COL5A2: variants seen among roughly 807,000 people sequenced by gnomAD.
The protein encoded by COL5A2 is collagen alpha-2(V) chain.
A neutral mutation model predicts 208.2 loss-of-function variants in COL5A2; 23 were observed. That is an observed-to-expected ratio of 0.11 (90% CI 0.08 to 0.16). COL5A2 has a LOEUF of 0.16. COL5A2 is among the 10% of genes least tolerant of loss of function. COL5A2 has a pLI of 1.00. For missense variants in COL5A2, 1,590 were observed against 1,956.4 expected (o/e 0.81, Z 3.53); for synonymous variants, 625 against 628.5 (o/e 0.99, Z 0.08).
intron 21 of COL5A2, among the ~76,000 whole-genome samples, chr2:189,067,072 GTTA>G (rs1292647595): frequency 6.6e-6 from 1 of 151,996 alleles, no homozygotes; most frequent in Admixed American, 6.6e-5. Context: ...GAATTATTGA[GTTA>G]TTATTCAAAT....
chr2:189,433,394 C>T, the COL5A2 span, among the ~76,000 whole-genome samples: 1 of 152,074 alleles, frequency 6.6e-6, no homozygotes, highest in East Asian at 1.9e-4. Flanking sequence ...AATCCAGGAG[C>T]TGGTTTTTTG....
At chr2:189,081,438 A>G (rs917590165) in intron 12 of COL5A2, among the ~76,000 whole-genome samples, 1 of 152,308 alleles carries the variant, frequency 6.6e-6, no homozygotes, top group South Asian at 2.1e-4. Context: ...GAGAAATTCA[A>G]GATAAAATAT....
the COL5A2 span, among the ~76,000 whole-genome samples, chr2:189,431,471 C>A: frequency 2.6e-5 from 4 of 152,194 alleles, no homozygotes; most frequent in East Asian, 7.7e-4. Context: ...GAATGGCTAA[C>A]TAGAATAAAC....
the COL5A2 span, among the ~76,000 whole-genome samples, chr2:189,417,400 A>G: frequency 1.3e-5 from 2 of 150,670 alleles, no homozygotes; most frequent in African/African-American, 4.9e-5. Flanking sequence ...TGACTGTGAC[A>G]TGTTTTGATT....
At position 189,110,358 on chromosome 2, in the gene COL5A2, G is replaced by A. The variant is rs1426216131; in HGVS notation, c.189C>T (p.Val63=). The change falls in exon 2 of 54, where the codon GTC becomes GTT. Residue 63 remains valine (V), a synonymous_variant. Transcript: ENST00000374866. ...IWKPAPCQIC[V]CDNGAILCDK... Reference sequence around the variant, plus strand: ...CACAGAGAATGGCTCCATTGTCACAGACACAGATCTGACAAGGGGCAGGTT... The same window carrying A: ...CACAGAGAATGGCTCCATTGTCACAAACACAGATCTGACAAGGGGCAGGTT... The A allele has an allele frequency of 6.2e-7, 1 of 1,614,138 alleles. No individual in the cohort carries two copies. Among genetic ancestry groups the A allele is most frequent in the Non-Finnish European group, 8.5e-7 (1 of 1,180,008 alleles).
the COL5A2 span, among the ~76,000 whole-genome samples, chr2:189,305,649 T>C: frequency 1.3e-5 from 2 of 152,146 alleles, no homozygotes; most frequent in Admixed American, 6.5e-5. Context: ...TGAACTCAGA[T>C]AGCTGCTTTG....
At chr2:189,332,176 A>G in the COL5A2 span, among the ~76,000 whole-genome samples, 1 of 152,196 alleles carries the variant, frequency 6.6e-6, no homozygotes, top group South Asian at 2.1e-4. Flanking sequence ...AGAAATACAT[A>G]AAATCACAAA....
At chr2:189,396,990 C>CAAAA in the COL5A2 span, among the ~76,000 whole-genome samples, 11 of 95,786 alleles carry the variant, frequency 1.1e-4, no homozygotes, top group African/African-American at 4.6e-4. Context: ...GACTCCGTCT[C>CAAAA]AAAAAAAAAA....
intron 17 of COL5A2, among the ~76,000 whole-genome samples, chr2:189,073,455 G>A (rs1360934694): frequency 1.3e-5 from 2 of 152,096 alleles, no homozygotes; most frequent in Non-Finnish European, 1.5e-5. Flanking sequence ...TGATGACCCT[G>A]TGAAATCATC....
chr2:189,113,740 G>A (rs1355287306), intron 1 of COL5A2, among the ~76,000 whole-genome samples: 5 of 149,222 alleles, frequency 3.4e-5, no homozygotes, highest in Admixed American at 6.7e-5. Flanking sequence ...GTTATTATTG[G>A]ATATATATTA....
chr2:189,385,354 C>A, the COL5A2 span, among the ~76,000 whole-genome samples: 7 of 152,010 alleles, frequency 4.6e-5, no homozygotes, highest in African/African-American at 1.7e-4. Context: ...AGAGCCAAAT[C>A]AAGAATACAA....
chr2:189,043,466 A>G (rs1217944661), intron 47 of COL5A2, among the ~76,000 whole-genome samples: 1 of 152,150 alleles, frequency 6.6e-6, no homozygotes, highest in Non-Finnish European at 1.5e-5. Context: ...GATCACTGAA[A>G]AAAGATATAA....
At chr2:189,313,077 A>T in the COL5A2 span, among the ~76,000 whole-genome samples, 1 of 152,068 alleles carries the variant, frequency 6.6e-6, no homozygotes, top group African/African-American at 2.4e-5. Context: ...CACAAGTATT[A>T]ATAGCGTAAT....
chr2:189,167,087 G>T (rs1688478646), intron 1 of COL5A2, among the ~76,000 whole-genome samples: 1 of 152,172 alleles, frequency 6.6e-6, no homozygotes, highest in South Asian at 2.1e-4. Flanking sequence ...GTGAATGAAA[G>T]CATATTTCCC....
upstream of COL5A2, among the ~76,000 whole-genome samples, chr2:189,227,618 A>G (rs573131974): frequency 6.6e-6 from 1 of 152,270 alleles, no homozygotes; most frequent in Admixed American, 6.5e-5. Context: ...AACAAGAAGC[A>G]AAGAATATTA....
At chr2:189,189,522 A>G (rs1270091614) in intron 1 of COL5A2, among the ~76,000 whole-genome samples, 1 of 152,182 alleles carries the variant, frequency 6.6e-6, no homozygotes, top group African/African-American at 2.4e-5. Context: ...CATCTCTAAA[A>G]CAAATAATAA....
At position 189,068,799 on chromosome 2, in the gene COL5A2, G is replaced by C. The variant is rs868256946; in HGVS notation, c.1244C>G (p.Ser415Cys). Residue 415 changes from serine (S) to cysteine (C), a missense_variant, in exon 19 of 54, where the codon TCT becomes TGT. Physicochemically the swap from Ser to Cys is moderately radical, Grantham distance 112. Transcript: ENST00000374866. The part of the protein sequence containing the change: ...GETGPPGPVG[S>C]PGLPGAIGTD... ...CTAGAAACTTACAGGAAGACCTGGA[G>C]AGCCAACTGGACCTGGGGGCCCAGT... 5 of 1,612,668 alleles carry C rather than the reference G, an allele frequency of 3.1e-6. No homozygotes were observed. The highest frequency in any genetic ancestry group is 4.2e-6 in the Non-Finnish European group (5 of 1,179,220).
At chr2:189,337,189 T>G in the COL5A2 span, among the ~76,000 whole-genome samples, 3 of 144,328 alleles carry the variant, frequency 2.1e-5, no homozygotes, top group African/African-American at 8.0e-5. Flanking sequence ...TTTTTTTTCT[T>G]TTTTTTTTTT....
chr2:189,136,515 A>AATAT (rs5837128), intron 1 of COL5A2, among the ~76,000 whole-genome samples: 5 of 148,846 alleles, frequency 3.4e-5, no homozygotes, highest in African/African-American at 9.8e-5. Flanking sequence ...CTTTTTTATA[A>AATAT]ATATATATGT....
Sources: gnomAD v4.1 joint callset for allele counts (sites outside exome capture counted in the v4.1 genomes callset) on GRCh38, gnomAD v4.1.1 for gene constraint, MANE v1.5 for transcripts, NCBI Gene and HGNC (gene_info 2026-07-23, HGNC 2026-07-21) for gene names.